DHX29: variants seen among roughly 807,000 people sequenced by gnomAD.
DHX29 encodes DExH-box helicase 29.
A neutral mutation model predicts 167.9 loss-of-function variants in DHX29; 79 were observed. The ratio of observed to expected loss-of-function variants is 0.47; its 90% confidence interval spans 0.39 to 0.57. DHX29 has a LOEUF of 0.57. Ranked by LOEUF, DHX29 falls within the 20% of genes least tolerant of loss-of-function variation. DHX29 has a pLI of 0.00. For synonymous variants in DHX29, 530 were observed against 546.0 expected, an observed-to-expected ratio of 0.97 and a Z score of 0.41; for missense variants, 1,347 against 1,593.4, an observed-to-expected ratio of 0.85 and a Z score of 2.63.
chr5:55,280,357 T>C (rs557061033), intron 12 of DHX29, among the ~76,000 whole-genome samples: 14 of 152,340 alleles, frequency 9.2e-5, no homozygotes, highest in African/African-American at 3.1e-4. Context: ...TGGTAATAAT[T>C]TGGAGTTCAA....
At chr5:55,269,850 G>T (rs1394459335) in intron 20 of DHX29, among the ~76,000 whole-genome samples, 1 of 151,732 alleles carries the variant, frequency 6.6e-6, no homozygotes, top group Non-Finnish European at 1.5e-5. Context: ...GGTGGGGAGG[G>T]AATAAGGATT....
At chr5:55,295,226 C>A in intron 5 of DHX29, 153 bp downstream of exon 5, 2 of 631,916 alleles carry the variant, frequency 3.2e-6, no homozygotes, top group Non-Finnish European at 2.7e-6. Context: ...TGTTATATAA[C>A]TAAAACAAGC....
intron 10 of DHX29, 70 bp from the exon 11 acceptor site, chr5:55,283,881 A>C: frequency 7.7e-7 from 1 of 1,297,242 alleles, no homozygotes; most frequent in African/African-American, 1.5e-5. Context: ...ATTAGCACTT[A>C]AAAGGATAGC....
chr5:55,291,421 A>G lies in DHX29; in HGVS notation c.781-1077T>C, dbSNP rs1748040395. On this transcript the variant is annotated intron_variant, in intron 6 of 26. Transcript: ENST00000251636. Reference sequence around the variant, plus strand: ...GACAGGAGGGTTAGCTACCACCTCAAATTCACCCAAATAATACTTATCCTT... The same window carrying G: ...GACAGGAGGGTTAGCTACCACCTCAGATTCACCCAAATAATACTTATCCTT... 2.6e-5 allele frequency among the ~76,000 whole-genome samples: 4 copies of G among 152,180 alleles called. No individual in the cohort carries two copies. In the South Asian group the frequency reaches 8.3e-4, roughly 32 times the overall value.
In DHX29 at chr5:55,285,411, C is replaced by T. The variant is rs373393243; in HGVS notation, c.1238G>A (p.Arg413Lys). 9 of 1,606,568 alleles carry T rather than the reference C, an allele frequency of 5.6e-6. No homozygotes were observed. Among genetic ancestry groups the T allele is most frequent in the Non-Finnish European group, 7.6e-6 (9 of 1,177,536 alleles). The change falls in exon 10 of 27, where the codon AGG becomes AAG. Residue 413 changes from arginine to lysine, a missense_variant. By Grantham distance (26) the Arg-to-Lys change is conservative. Coordinates refer to ENST00000251636, the MANE Select transcript of DHX29 (RefSeq NM_019030.4). Reference protein sequence around the residue: ...PVGRYWKCRVRVIKSEDDVLV... With the variant: ...PVGRYWKCRVKVIKSEDDVLV... Reference sequence around the variant, plus strand: ...GACATCATCTTCAGACTTGATTACCCTAACCCTACAAAGAAGCAAACGCAT... The same window carrying T: ...GACATCATCTTCAGACTTGATTACCTTAACCCTACAAAGAAGCAAACGCAT...
chr5:55,296,106 A>C (rs1748306204), intron 4 of DHX29, 114 bp downstream of exon 4: 1 of 1,157,242 alleles, frequency 8.6e-7, no homozygotes. Context: ...GAACACTTTA[A>C]AAGTAAATAA....
intron 12 of DHX29, chr5:55,279,413 T>G (rs1747283010): frequency 6.6e-6 from 1 of 152,168 alleles, no homozygotes; most frequent in Admixed American, 6.5e-5. Flanking sequence ...AGACGGTAGC[T>G]AGATATTTAA....
intron 5 of DHX29, among the ~76,000 whole-genome samples, chr5:55,294,593 T>C (rs1748215640): frequency 6.6e-6 from 1 of 152,162 alleles, no homozygotes; most frequent in African/African-American, 2.4e-5. Context: ...GAGAATGGCG[T>C]GAAGCCAGGA....
chr5:55,289,251 C>CAAG lies in DHX29; in HGVS notation c.1066+18_1066+19insCTT. On this transcript the variant is annotated intron_variant, in intron 8 of 26. Coordinates refer to ENST00000251636, the MANE Select transcript of DHX29 (RefSeq NM_019030.4). ...TATTATTTACAAATTACACCCTGAC[C>CAAG]ATCTTCCCTTAATTTTACCTTTCTC... The CAAG allele has an allele frequency of 6.6e-7, 1 of 1,515,406 alleles. No homozygotes were observed. Among genetic ancestry groups the CAAG allele is most frequent in the Non-Finnish European group, 8.8e-7 (1 of 1,139,430 alleles). 93.9% of individuals were successfully genotyped at this position (1,515,406 alleles called of 1,614,324 possible).
chr5:55,307,058 T>C (rs1275592840), intron 1 of DHX29, among the ~76,000 whole-genome samples: 2 of 152,204 alleles, frequency 1.3e-5, no homozygotes, highest in Non-Finnish European at 2.9e-5. Context: ...TACTCGTCTT[T>C]GCGTTAGCCT....
At position 55,274,919 on chromosome 5, in the gene DHX29, A is replaced by C; in HGVS notation, c.2519T>G (p.Met840Arg). 6.2e-7 allele frequency: 1 copy of C among 1,613,912 alleles called. No homozygotes were observed. The highest frequency in any genetic ancestry group is 1.1e-5 in the South Asian group (1 of 91,040). Residue 840 changes from methionine to arginine, a missense_variant, in exon 15 of 27, where the codon ATG becomes AGG. Transcript: ENST00000251636. ...ATCCAGGTTGATTTTATGAGGATTC[A>C]TGTATAGAATAGCATGCTGAGTGCG... ...SSRTQHAILY[M>R]NPHKINLDLI...
intron 18 of DHX29, 66 bp from the exon 19 acceptor site, chr5:55,270,772 AT>A: frequency 7.7e-7 from 1 of 1,290,806 alleles, no homozygotes; most frequent in Non-Finnish European, 1.1e-6. Context: ...AAAAAGCTGG[AT>A]TTGACTCTTA....
At chr5:55,277,539 T>C (rs1463853094) in intron 12 of DHX29, among the ~76,000 whole-genome samples, 1 of 152,076 alleles carries the variant, frequency 6.6e-6, no homozygotes, top group East Asian at 1.9e-4. Context: ...GACTCTACCC[T>C]AGGAGACGGT....
rs771592539 is a variant in DHX29, at chr5:55,274,998, C to A, written c.2440G>T (p.Val814Phe). 1 of 1,612,324 alleles carries A rather than the reference C, an allele frequency of 6.2e-7. No homozygotes were observed. Among genetic ancestry groups the A allele is most frequent in the East Asian group, 2.2e-5 (1 of 44,798 alleles). ...GIKKYQEYIPVQTGAHADLNP... is the reference protein window; with the variant it reads ...GIKKYQEYIPFQTGAHADLNP... Reference sequence around the variant, plus strand: ...AAATCAGCATGTGCTCCAGTCTGAACTGGGATGTATTCCTAAAAGAAATCC... The same window carrying A: ...AAATCAGCATGTGCTCCAGTCTGAAATGGGATGTATTCCTAAAAGAAATCC... The change falls in exon 15 of 27, where the codon GTT becomes TTT. Residue 814 changes from valine (V) to phenylalanine (F), a missense_variant. Physicochemically the swap from Val to Phe is conservative, Grantham distance 50. Transcript: ENST00000251636.
intron 1 of DHX29, 140 bp downstream of exon 1, chr5:55,307,247 C>T (rs1328562090): frequency 1.4e-6 from 1 of 718,316 alleles, no homozygotes; most frequent in Non-Finnish European, 2.2e-6. Context: ...AACAAGGCCA[C>T]CCCATGGGGA....
intron 23 of DHX29, among the ~76,000 whole-genome samples, chr5:55,265,960 G>A (rs983897407): frequency 2.6e-5 from 4 of 151,586 alleles, no homozygotes; most frequent in South Asian, 2.1e-4. Context: ...ACATTTCAGA[G>A]TTGAGAAATG....
chr5:55,261,939 G>A (rs568907910), intron 24 of DHX29, among the ~76,000 whole-genome samples: 7 of 152,128 alleles, frequency 4.6e-5, no homozygotes, highest in African/African-American at 7.2e-5. Context: ...TTGAAATTAC[G>A]GATCTTTGTT....
chr5:55,283,940 A>G, intron 10 of DHX29, 129 bp from the exon 11 acceptor site: 1 of 684,288 alleles, frequency 1.5e-6, no homozygotes, highest in East Asian at 2.8e-5. Flanking sequence ...TTACTTTAAT[A>G]TATGTATGTG....
In DHX29 at chr5:55,273,153, C is replaced by T. The variant is rs1746935364; in HGVS notation, c.2775+140G>A. 4.0e-6 allele frequency: 3 copies of T among 753,570 alleles called. No individual in the cohort carries two copies. In the East Asian group the frequency reaches 9.4e-5, roughly 24 times the overall value. 46.7% of individuals were successfully genotyped at this position (753,570 alleles called of 1,614,324 possible). A position where few individuals can be genotyped will look rare whatever the true frequency, so the allele number is the denominator to read the frequency against. On this transcript the variant is annotated intron_variant, in intron 17 of 26. Transcript: ENST00000251636. Reference sequence around the variant, plus strand: ...ACATTGGGTTCACTTCTGATGATGGCAAGGTGCAGAACACTTGGAGTTGGC... The same window carrying T: ...ACATTGGGTTCACTTCTGATGATGGTAAGGTGCAGAACACTTGGAGTTGGC...
Sources: gnomAD v4.1 joint callset for allele counts (sites outside exome capture counted in the v4.1 genomes callset) on GRCh38, gnomAD v4.1.1 for gene constraint, MANE v1.5 for transcripts, NCBI Gene and HGNC (gene_info 2026-07-23, HGNC 2026-07-21) for gene names.